Variants in PABPC4L observed in about 807,000 individuals in gnomAD.
PABPC4L encodes the protein poly(A) binding protein cytoplasmic 4 like, also known as polyadenylate-binding protein 4-like.
For missense variants in PABPC4L, 452 were observed against 451.4 expected (o/e 1.00, Z -0.01); for synonymous variants, 169 against 164.1 (o/e 1.03, Z -0.23).
the PABPC4L span, among the ~76,000 whole-genome samples, chr4:134,122,535 C>A: frequency 1.3e-5 from 2 of 151,668 alleles, no homozygotes; most frequent in African/African-American, 4.8e-5. Flanking sequence ...AAAATTAGAT[C>A]AAAAGAAGTA....
the PABPC4L span, among the ~76,000 whole-genome samples, chr4:134,082,821 C>T: frequency 1.3e-5 from 2 of 152,034 alleles, no homozygotes; most frequent in East Asian, 3.9e-4. Context: ...AAAAATTATC[C>T]CTCAAAGTGT....
At chr4:134,099,033 A>G in the PABPC4L span, among the ~76,000 whole-genome samples, 47 of 151,708 alleles carry the variant, frequency 3.1e-4, no homozygotes, top group Admixed American at 2.6e-4. Flanking sequence ...TGTTGAAGCC[A>G]GCAAGTACAG....
the PABPC4L span, among the ~76,000 whole-genome samples, chr4:134,164,598 C>G: frequency 6.6e-6 from 1 of 152,020 alleles, no homozygotes; most frequent in Non-Finnish European, 1.5e-5. Flanking sequence ...AGGAGAAATA[C>G]AAAAGTGTGG....
the PABPC4L span, among the ~76,000 whole-genome samples, chr4:134,148,837 C>G: frequency 8.9e-5 from 12 of 134,254 alleles, no homozygotes; most frequent in Middle Eastern, 3.6e-3. Flanking sequence ...ACATAAGGAG[C>G]TCAAAATTAG....
the PABPC4L span, among the ~76,000 whole-genome samples, chr4:134,140,246 T>C: frequency 2.6e-5 from 4 of 151,812 alleles, no homozygotes; most frequent in Non-Finnish European, 5.9e-5. Context: ...ACACACAAAG[T>C]AACTATATAA....
chr4:134,075,917 G>T, the PABPC4L span, among the ~76,000 whole-genome samples: 1 of 151,362 alleles, frequency 6.6e-6, no homozygotes, highest in African/African-American at 2.4e-5. Context: ...ATTGGTCAAA[G>T]ATAAAGATAA....
At chr4:134,149,857 G>A in the PABPC4L span, among the ~76,000 whole-genome samples, 1 of 152,090 alleles carries the variant, frequency 6.6e-6, no homozygotes, top group Non-Finnish European at 1.5e-5. Flanking sequence ...ACAGTGGCTA[G>A]GTGAGCTTTT....
Position 134,197,362 on chromosome 4 carries a change from T to C in PABPC4L, c.*2545A>G, listed in dbSNP as rs374969800. 1 of 151,716 alleles carries C rather than the reference T, an allele frequency of 6.6e-6. No homozygotes were observed. The highest frequency in any genetic ancestry group is 6.6e-5 in the Admixed American group (1 of 15,224). The allele number at this position is 151,716 out of a possible 1,614,324, so 9.4% of individuals were successfully genotyped here. A position where few individuals can be genotyped will look rare whatever the true frequency, so the allele number is the denominator to read the frequency against. ...GTTAGAAGCATTGAGAATATGAAAATCTGAAAGTCATAAACACAATACAGA... is the reference window on the plus strand; with the variant it reads ...GTTAGAAGCATTGAGAATATGAAAACCTGAAAGTCATAAACACAATACAGA... On this transcript the variant is annotated 3_prime_UTR_variant, in exon 2 of 2. Coordinates refer to ENST00000421491, the MANE Select transcript of PABPC4L (RefSeq NM_001114734.2).
chr4:134,184,034 A>T, the PABPC4L span, among the ~76,000 whole-genome samples: 1 of 151,852 alleles, frequency 6.6e-6, no homozygotes, highest in Non-Finnish European at 1.5e-5. Context: ...TAATCAAGAC[A>T]ATCTTAAGTA....
At chr4:134,011,883 A>G in the PABPC4L span, among the ~76,000 whole-genome samples, 1 of 152,168 alleles carries the variant, frequency 6.6e-6, no homozygotes, top group African/African-American at 2.4e-5. Context: ...GATGTTCATC[A>G]CAGCATTGAT....
At chr4:134,085,833 T>G in the PABPC4L span, among the ~76,000 whole-genome samples, 1 of 152,198 alleles carries the variant, frequency 6.6e-6, no homozygotes, top group South Asian at 2.1e-4. Context: ...CTTTTCAGTT[T>G]GGGACTATTG....
In PABPC4L at chr4:134,198,973, G is replaced by A. The variant is rs1243127498; in HGVS notation, c.*934C>T. On this transcript the variant is annotated 3_prime_UTR_variant, in exon 2 of 2. Coordinates refer to ENST00000421491, the MANE Select transcript of PABPC4L (RefSeq NM_001114734.2). ...AGGAACTTACTTTTCTGAACCCTAA[G>A]AGAAAATCACTACACAAAACAATAT... 6.6e-6 allele frequency: 1 copy of A among 151,860 alleles called. No individual in the cohort carries two copies. Among genetic ancestry groups the A allele is most frequent in the Non-Finnish European group, 1.5e-5 (1 of 67,850 alleles). 9.4% of individuals were successfully genotyped at this position (151,860 alleles called of 1,614,324 possible). A position where few individuals can be genotyped will look rare whatever the true frequency, so the allele number is the denominator to read the frequency against.
At chr4:133,979,787 T>G in the PABPC4L span, among the ~76,000 whole-genome samples, 2 of 152,180 alleles carry the variant, frequency 1.3e-5, no homozygotes, top group African/African-American at 4.8e-5. Flanking sequence ...AAAAATATTT[T>G]TACCTTATTA....
chr4:134,175,182 C>T, the PABPC4L span, among the ~76,000 whole-genome samples: 1,000 of 151,816 alleles, frequency 6.6e-3, 10 homozygotes, highest in African/African-American at 0.023. Flanking sequence ...TAAGTACCCG[C>T]GAAAAGTAGC....
the PABPC4L span, among the ~76,000 whole-genome samples, chr4:134,176,680 G>T: frequency 6.6e-6 from 1 of 151,980 alleles, no homozygotes; most frequent in Non-Finnish European, 1.5e-5. Context: ...GGCAGCAGGG[G>T]GACACAGAAC....
the PABPC4L span, among the ~76,000 whole-genome samples, chr4:134,174,593 T>C: frequency 6.6e-6 from 1 of 152,152 alleles, no homozygotes; most frequent in Non-Finnish European, 1.5e-5. Context: ...GATATAACAC[T>C]GATCAAAACA....
the PABPC4L span, among the ~76,000 whole-genome samples, chr4:134,068,976 C>T: frequency 6.6e-6 from 1 of 152,152 alleles, no homozygotes; most frequent in Non-Finnish European, 1.5e-5. Flanking sequence ...TCCCAAAGTG[C>T]TGGGATTACA....
the PABPC4L span, among the ~76,000 whole-genome samples, chr4:134,138,261 C>T: frequency 6.6e-6 from 1 of 151,752 alleles, no homozygotes; most frequent in Non-Finnish European, 1.5e-5. Flanking sequence ...AATAACTACA[C>T]TTACTCATTA....
At chr4:134,174,313 G>C in the PABPC4L span, among the ~76,000 whole-genome samples, 3 of 152,138 alleles carry the variant, frequency 2.0e-5, no homozygotes, top group Non-Finnish European at 4.4e-5. Context: ...GTAAGTAGAA[G>C]TATATCCCAA....
Sources: gnomAD v4.1 joint callset for allele counts (sites outside exome capture counted in the v4.1 genomes callset) on GRCh38, gnomAD v4.1.1 for gene constraint, MANE v1.5 for transcripts, NCBI Gene and HGNC (gene_info 2026-07-23, HGNC 2026-07-21) for gene names.